Variants in CCSER1 observed in about 807,000 individuals in gnomAD.
The protein encoded by CCSER1 is coiled-coil serine rich protein 1, also known as serine-rich coiled-coil domain-containing protein 1.
CCSER1 carries 41 observed loss-of-function variants against 82.0 expected under a neutral mutation model. The observed-to-expected ratio is 0.50, with a 90% CI of 0.39 to 0.65. The LOEUF (loss-of-function observed/expected upper bound fraction) is 0.65. CCSER1 is among the 30% of genes least tolerant of loss of function. The pLI is 0.00. For synonymous variants in CCSER1, 414 were observed against 383.9 expected (o/e 1.08, Z -0.92); for missense variants, 1,119 against 1,064.2 (o/e 1.05, Z -0.72).
intron 1 of CCSER1, among the ~76,000 whole-genome samples, chr4:90,294,335 AC>A (rs1033124828): frequency 4.6e-5 from 7 of 151,834 alleles, no homozygotes; most frequent in African/African-American, 1.7e-4. Context: ...ATATAGCGAG[AC>A]CCCGTTCTCC....
At chr4:91,513,504 C>T (rs1476170753) in intron 10 of CCSER1, among the ~76,000 whole-genome samples, 2 of 152,078 alleles carry the variant, frequency 1.3e-5, no homozygotes, top group Non-Finnish European at 2.9e-5. Flanking sequence ...AGCCCCTCCT[C>T]ATCAGTTTTT....
At chr4:90,230,384 C>A (rs1252211889) in intron 1 of CCSER1, among the ~76,000 whole-genome samples, 1 of 151,968 alleles carries the variant, frequency 6.6e-6, no homozygotes, top group Non-Finnish European at 1.5e-5. Context: ...GGGTATATAA[C>A]GAAATGAAGG....
intron 9 of CCSER1, among the ~76,000 whole-genome samples, chr4:90,951,806 G>T (rs1444953407): frequency 6.6e-6 from 1 of 152,050 alleles, no homozygotes; most frequent in Non-Finnish European, 1.5e-5. Context: ...TTTCATAATT[G>T]CAAGTAGAAA....
intron 5 of CCSER1, among the ~76,000 whole-genome samples, chr4:90,480,858 C>A (rs563660102): frequency 6.6e-6 from 1 of 152,110 alleles, no homozygotes; most frequent in Non-Finnish European, 1.5e-5. Context: ...CGTGGCAATG[C>A]GGGCTCTTTT....
Position 91,603,010 on chromosome 4 carries a change from A to G in CCSER1, c.*3953A>G, listed in dbSNP as rs1764867000. Among the ~76,000 whole-genome samples, 1 of 152,050 alleles carries G rather than the reference A, an allele frequency of 6.6e-6. No individual in the cohort carries two copies. Among genetic ancestry groups the G allele is most frequent in the Non-Finnish European group, 1.5e-5 (1 of 67,966 alleles). On this transcript the variant is annotated 3_prime_UTR_variant, in exon 11 of 11. Transcript: ENST00000509176. ...TTCTTGGGAAATTTACCTCTCCTAGAGTTTAAGCTTTTTAAAACATGTCTT... is the reference window on the plus strand; with the variant it reads ...TTCTTGGGAAATTTACCTCTCCTAGGGTTTAAGCTTTTTAAAACATGTCTT...
intron 9 of CCSER1, among the ~76,000 whole-genome samples, chr4:90,977,868 A>C (rs1373818262): frequency 6.6e-6 from 1 of 151,588 alleles, no homozygotes. Flanking sequence ...CTTAGATATT[A>C]TTTTCATTTT....
At chr4:91,012,670 G>A (rs537884874) in intron 9 of CCSER1, among the ~76,000 whole-genome samples, 33 of 152,110 alleles carry the variant, frequency 2.2e-4, no homozygotes, top group Non-Finnish European at 2.2e-4. Flanking sequence ...GCCATACACT[G>A]CTACAACAGA....
At chr4:90,218,479 G>T (rs1741521058) in intron 1 of CCSER1, among the ~76,000 whole-genome samples, 1 of 152,104 alleles carries the variant, frequency 6.6e-6, no homozygotes, top group African/African-American at 2.4e-5. Context: ...ATTGAAAAAA[G>T]AGAGATTTGT....
chr4:91,012,080 G>A (rs1479915683), intron 9 of CCSER1, among the ~76,000 whole-genome samples: 2 of 134,968 alleles, frequency 1.5e-5, no homozygotes, highest in African/African-American at 4.9e-5. Context: ...CTTGGGATGT[G>A]TGACTGCTTG....
At chr4:91,167,830 CAA>C in intron 10 of CCSER1, among the ~76,000 whole-genome samples, 2 of 152,362 alleles carry the variant, frequency 1.3e-5, no homozygotes, top group South Asian at 4.1e-4. Flanking sequence ...TATAACCTAA[CAA>C]ATAAATAATA....
At chr4:90,304,715 G>A (rs1221920873) in intron 1 of CCSER1, among the ~76,000 whole-genome samples, 2 of 151,858 alleles carry the variant, frequency 1.3e-5, no homozygotes, top group Non-Finnish European at 2.9e-5. Flanking sequence ...AAGTTAATGG[G>A]TGCAGCACAG....
At chr4:90,698,314 G>T (rs1737358688) in intron 6 of CCSER1, among the ~76,000 whole-genome samples, 1 of 152,204 alleles carries the variant, frequency 6.6e-6, no homozygotes, top group South Asian at 2.1e-4. Context: ...CTTTAGCAAA[G>T]GAGGAAAATG....
chr4:90,996,877 CCA>C (rs1325787177), intron 9 of CCSER1, among the ~76,000 whole-genome samples: 1 of 152,042 alleles, frequency 6.6e-6, no homozygotes, highest in African/African-American at 2.4e-5. Flanking sequence ...TGTATTTATA[CCA>C]TGGTTTGTTT....
chr4:90,467,629 G>A lies in CCSER1; in HGVS notation c.1604-605G>A, dbSNP rs191761902. On this transcript the variant is annotated intron_variant, in intron 4 of 10. Coordinates refer to ENST00000509176, the MANE Select transcript of CCSER1 (RefSeq NM_001145065.2). Reference sequence around the variant, plus strand: ...ACTTGGGAGGCGGAGGTTGCAGTGAGCCAAGATCGTGCCACTGCACTCCAC... The same window carrying A: ...ACTTGGGAGGCGGAGGTTGCAGTGAACCAAGATCGTGCCACTGCACTCCAC... Among the ~76,000 whole-genome samples the A allele has an allele frequency of 1.9e-4, 29 of 152,054 alleles. No homozygotes were observed. In the East Asian group the frequency reaches 3.3e-3, roughly 17 times the overall value.
At chr4:91,051,913 T>A (rs566300797) in intron 9 of CCSER1, among the ~76,000 whole-genome samples, 2 of 152,246 alleles carry the variant, frequency 1.3e-5, no homozygotes, top group South Asian at 4.1e-4. Context: ...TCATTCATCT[T>A]CTGCATTAAT....
intron 10 of CCSER1, among the ~76,000 whole-genome samples, chr4:91,103,911 A>C (rs1487691566): frequency 6.6e-6 from 1 of 152,112 alleles, no homozygotes; most frequent in Non-Finnish European, 1.5e-5. Flanking sequence ...TGGATATGCA[A>C]GTAGGAGAGA....
At chr4:91,385,281 T>C (rs1224883907) in intron 10 of CCSER1, among the ~76,000 whole-genome samples, 5 of 152,024 alleles carry the variant, frequency 3.3e-5, no homozygotes, top group Non-Finnish European at 7.4e-5. Flanking sequence ...GGGGTGATTT[T>C]TCAAAAGATG....
At chr4:91,005,236 T>A (rs979721628) in intron 9 of CCSER1, among the ~76,000 whole-genome samples, 1 of 152,234 alleles carries the variant, frequency 6.6e-6, no homozygotes, top group Non-Finnish European at 1.5e-5. Context: ...TATCTGACAC[T>A]AAGGACAAGT....
chr4:91,460,258 G>C (rs1425940699), intron 10 of CCSER1, among the ~76,000 whole-genome samples: 1 of 152,090 alleles, frequency 6.6e-6, no homozygotes, highest in Non-Finnish European at 1.5e-5. Context: ...ATGGGTTAGG[G>C]TACTGCTCCT....
Sources: gnomAD v4.1 joint callset for allele counts (sites outside exome capture counted in the v4.1 genomes callset) on GRCh38, gnomAD v4.1.1 for gene constraint, MANE v1.5 for transcripts, NCBI Gene and HGNC (gene_info 2026-07-23, HGNC 2026-07-21) for gene names.